COG5: variants seen among roughly 807,000 people sequenced by gnomAD.
COG5 encodes the protein component of oligomeric golgi complex 5, also known as conserved oligomeric Golgi complex subunit 5.
In COG5, 86 loss-of-function variants were observed where a neutral mutation model predicts 110.4. The observed-to-expected ratio is 0.78, with a 90% CI of 0.65 to 0.93. The LOEUF (loss-of-function observed/expected upper bound fraction) is 0.93, where lower values mean the gene tolerates loss of function less well. Ranked by LOEUF, COG5 falls within the 40% of genes least tolerant of loss-of-function variation. The pLI is 0.00. For synonymous variants in COG5, 360 were observed against 334.6 expected (o/e 1.08, Z -0.83); for missense variants, 1,077 against 987.0 (o/e 1.09, Z -1.22).
intron 7 of COG5, among the ~76,000 whole-genome samples, chr7:107,408,365 G>A (rs558515292): frequency 6.6e-6 from 1 of 152,278 alleles, no homozygotes; most frequent in East Asian, 1.9e-4. Flanking sequence ...TTGAATAGTG[G>A]TGCTCCACAG....
intron 10 of COG5, among the ~76,000 whole-genome samples, chr7:107,330,988 A>G (rs188962462): frequency 2.6e-5 from 4 of 152,184 alleles, no homozygotes; most frequent in Admixed American, 1.3e-4. Flanking sequence ...ACACCCAGCT[A>G]ATGGTACACA....
intron 10 of COG5, among the ~76,000 whole-genome samples, chr7:107,327,117 T>C (rs2129028852): frequency 6.6e-6 from 1 of 151,430 alleles, no homozygotes; most frequent in African/African-American, 2.4e-5. Context: ...ACCAATGGAG[T>C]AGAGAGACAA....
intron 5 of COG5, among the ~76,000 whole-genome samples, chr7:107,547,551 G>C (rs553013673): frequency 4.2e-4 from 64 of 152,232 alleles, no homozygotes; most frequent in African/African-American, 1.5e-3. Flanking sequence ...AGAAATAAAA[G>C]GCATCCAAAT....
At chr7:107,389,942 CAT>C (rs1790497904) in intron 7 of COG5, among the ~76,000 whole-genome samples, 1 of 152,172 alleles carries the variant, frequency 6.6e-6, no homozygotes, top group Non-Finnish European at 1.5e-5. Context: ...ACTATCCATC[CAT>C]ATGTTTTCCT....
At chr7:107,539,638 G>A (rs757786800) in intron 5 of COG5, among the ~76,000 whole-genome samples, 33 of 152,058 alleles carry the variant, frequency 2.2e-4, no homozygotes, top group Admixed American at 8.5e-4. Flanking sequence ...AGTATAATTA[G>A]ATATTGTATT....
chr7:107,330,985 G>C (rs1810190580), intron 10 of COG5, among the ~76,000 whole-genome samples: 1 of 152,058 alleles, frequency 6.6e-6, no homozygotes, highest in Non-Finnish European at 1.5e-5. Flanking sequence ...ACCACACCCA[G>C]CTAATGGTAC....
At chr7:107,440,312 C>T (rs888946430) in intron 6 of COG5, among the ~76,000 whole-genome samples, 1 of 151,902 alleles carries the variant, frequency 6.6e-6, no homozygotes, top group African/African-American at 2.4e-5. Context: ...ATTCTCAACA[C>T]CTCAGCAGAA....
chr7:107,496,601 A>G (rs1798286448), intron 6 of COG5, among the ~76,000 whole-genome samples: 1 of 150,740 alleles, frequency 6.6e-6, no homozygotes, highest in Non-Finnish European at 1.5e-5. Context: ...CAGAGGTTGC[A>G]GTGAACCAAG....
intron 15 of COG5, among the ~76,000 whole-genome samples, chr7:107,257,620 T>C (rs147016327): frequency 1.2e-4 from 18 of 152,248 alleles, no homozygotes; most frequent in Admixed American, 8.5e-4. Context: ...AAATGACCTA[T>C]AGAGAATAAT....
rs775065215 is a variant in COG5 at position 107,415,901 on chromosome 7, CGTAT to C, written c.539-3273_539-3270del. ...GTGTGTGTATATACACACACATACACGTATGTATGTATGTGTGTGTATATACACA... is the reference window on the plus strand; with the variant it reads ...GTGTGTGTATATACACACACATACACGTATGTATGTGTGTGTATATACACA... On this transcript the variant is annotated intron_variant, in intron 6 of 21. Transcript: ENST00000297135. Among the ~76,000 whole-genome samples the C allele has an allele frequency of 9.2e-3, 713 of 77,358 alleles. 84 individuals are homozygous for C. The highest frequency in any genetic ancestry group is 0.018 in the Non-Finnish European group (567 of 30,652). The allele number at this position is 77,358 out of a possible 152,430, so 50.7% of individuals were successfully genotyped here.
chr7:107,331,945 G>A (rs1810287553), intron 10 of COG5, among the ~76,000 whole-genome samples: 2 of 150,876 alleles, frequency 1.3e-5, no homozygotes, highest in South Asian at 4.2e-4. Flanking sequence ...GGGTCCAAAT[G>A]ATAAATGATT....
chr7:107,285,322 T>C (rs1001948370), intron 12 of COG5, among the ~76,000 whole-genome samples: 2 of 152,194 alleles, frequency 1.3e-5, no homozygotes, highest in Admixed American at 1.3e-4. Context: ...TCACTATTTT[T>C]ACTCATGACA....
intron 19 of COG5, among the ~76,000 whole-genome samples, chr7:107,227,603 C>T (rs547740881): frequency 1.0e-3 from 152 of 152,022 alleles, no homozygotes; most frequent in Middle Eastern, 6.8e-3. Flanking sequence ...GAAACTTATC[C>T]TCAGACCTTG....
Position 107,310,924 on chromosome 7 carries a change from T to TA in COG5, c.1109-12579dup, listed in dbSNP as rs112709689. On this transcript the variant is annotated intron_variant, in intron 11 of 21. Coordinates refer to ENST00000297135, the MANE Select transcript of COG5 (RefSeq NM_006348.5). ...TCAATAAAAGTTCTCAGCACATATG[T>TA]AAAAAAAAAAAATCCATTCCATTCT... is the stretch of plus-strand genomic sequence containing the variant. Among the ~76,000 whole-genome samples the TA allele has an allele frequency of 7.6e-3, 1,127 of 147,542 alleles. 8 individuals carry two copies. Among genetic ancestry groups the TA allele is most frequent in the African/African-American group, 0.018 (730 of 40,182 alleles).
intron 6 of COG5, among the ~76,000 whole-genome samples, chr7:107,489,790 C>T (rs1342027092): frequency 6.6e-6 from 1 of 152,020 alleles, no homozygotes. Flanking sequence ...AAATAATTGC[C>T]CAAGAGATTT....
intron 6 of COG5, among the ~76,000 whole-genome samples, chr7:107,487,199 A>G (rs1221304910): frequency 6.6e-6 from 1 of 152,196 alleles, no homozygotes; most frequent in African/African-American, 2.4e-5. Context: ...AAAAATAGTT[A>G]CAAACCAACA....
At chr7:107,227,778 G>C (rs2116373755) in intron 19 of COG5, among the ~76,000 whole-genome samples, 1 of 152,080 alleles carries the variant, frequency 6.6e-6, no homozygotes, top group Non-Finnish European at 1.5e-5. Context: ...GCACAATCTC[G>C]ACTCACTGTA....
At chr7:107,205,822 C>T (rs1393212738) in intron 21 of COG5, among the ~76,000 whole-genome samples, 1 of 152,124 alleles carries the variant, frequency 6.6e-6, no homozygotes, top group African/African-American at 2.4e-5. Flanking sequence ...ACCTCTGTAT[C>T]AACAGCCTTG....
intron 6 of COG5, chr7:107,471,556 C>T (rs909543641): frequency 2.6e-5 from 4 of 151,808 alleles, no homozygotes; most frequent in South Asian, 4.1e-4. Flanking sequence ...TCAACTGTAT[C>T]CTAAGAAGAT....
Sources: allele counts gnomAD v4.1 joint callset (sites outside exome capture counted in the v4.1 genomes callset), GRCh38; gene constraint gnomAD v4.1.1; transcripts MANE v1.5; gene names NCBI Gene and HGNC (gene_info 2026-07-23, HGNC 2026-07-21).